The following DIXDC1 variants were observed in gnomAD, a reference collection of about 807,000 sequenced individuals.
DIXDC1 encodes dixin.
Under a neutral mutation model 103.1 loss-of-function variants are expected in DIXDC1, and 64 were observed. The ratio of observed to expected loss-of-function variants is 0.62; its 90% CI spans 0.51 to 0.76. The LOEUF (loss-of-function observed/expected upper bound fraction) is 0.76. Among genes scored for constraint, DIXDC1 ranks in the 30% least tolerant of loss-of-function variants. DIXDC1 has a pLI of 0.00. For synonymous variants in DIXDC1, 266 were observed against 298.5 expected, an observed-to-expected ratio of 0.89 and a Z score of 1.12; for missense variants, 759 against 834.2, an observed-to-expected ratio of 0.91 and a Z score of 1.11.
chr11:112,006,120 A>T (rs905323989), intron 17 of DIXDC1, among the ~76,000 whole-genome samples: 2 of 151,982 alleles, frequency 1.3e-5, no homozygotes, highest in African/African-American at 2.4e-5. Flanking sequence ...GCAAATGCAG[A>T]CCAGGAGCTA....
At chr11:111,968,772 T>TTTTTTAA in intron 3 of DIXDC1, 134 bp downstream of exon 3, 2 of 1,137,672 alleles carry the variant, frequency 1.8e-6, no homozygotes, top group Non-Finnish European at 2.3e-6. Context: ...TTATTTTTTA[T>TTTTTTAA]TTCATGATTA....
intron 19 of DIXDC1, among the ~76,000 whole-genome samples, chr11:112,018,329 A>G (rs1216474780): frequency 1.3e-5 from 2 of 152,186 alleles, no homozygotes; most frequent in African/African-American, 4.8e-5. Context: ...TTGAGTAAGT[A>G]TTTTCTTAGC....
intron 18 of DIXDC1, 79 bp downstream of exon 18, chr11:112,016,875 C>A: frequency 8.1e-7 from 1 of 1,237,770 alleles, no homozygotes; most frequent in Non-Finnish European, 1.1e-6. Context: ...CCCACATGAG[C>A]AGCTGAAAGG....
At chr11:111,938,562 A>G (rs1480068289) in intron 1 of DIXDC1, among the ~76,000 whole-genome samples, 3 of 152,212 alleles carry the variant, frequency 2.0e-5, no homozygotes, top group Non-Finnish European at 2.9e-5. Flanking sequence ...TTGATAGGCA[A>G]GACTGAAGTG....
chr11:112,003,709 A>G (rs1201947118), intron 17 of DIXDC1, among the ~76,000 whole-genome samples: 1 of 151,786 alleles, frequency 6.6e-6, no homozygotes, highest in Non-Finnish European at 1.5e-5. Context: ...GAGGCAGGAG[A>G]ATCGCTTGAA....
chr11:111,964,675 G>A lies in DIXDC1; in HGVS notation c.187G>A (p.Val63Ile). 6.2e-7 allele frequency: 1 copy of A among 1,602,622 alleles called. No individual in the cohort carries two copies. The highest frequency in any genetic ancestry group is 1.7e-4 in the Middle Eastern group (1 of 5,976). ...GVILAYLIEIVAGEKLSGVQL... is the reference protein window; with the variant it reads ...GVILAYLIEIIAGEKLSGVQL... ...GATCCTGGCATATCTCATCGAGATT[G>A]TTGGTCAGTTGGCCCTGGACTCTGA... Residue 63 changes from valine (V) to isoleucine (I), a missense_variant, in exon 2 of 20, where the codon GTT becomes ATT. Val to Ile is a conservative substitution (Grantham distance 29, BLOSUM62 3). Around this residue, in one of 3 missense-constraint regions of DIXDC1, gnomAD observed 97 missense variants for 85.4 expected, o/e 1.14. Transcript: ENST00000440460.
chr11:111,948,183 T>C (rs1966660547), intron 1 of DIXDC1, among the ~76,000 whole-genome samples: 1 of 152,152 alleles, frequency 6.6e-6, no homozygotes, highest in South Asian at 2.1e-4. Context: ...CAAGGCCACA[T>C]ACCGAGGCCA....
chr11:111,950,140 C>T (rs1425428970), intron 1 of DIXDC1, among the ~76,000 whole-genome samples: 1 of 151,852 alleles, frequency 6.6e-6, no homozygotes, highest in Non-Finnish European at 1.5e-5. Context: ...ACCAATTTTA[C>T]AAGCTCAAAG....
upstream of DIXDC1, among the ~76,000 whole-genome samples, chr11:111,936,186 CCTT>C (rs1966180859): frequency 6.6e-6 from 1 of 152,254 alleles, no homozygotes; most frequent in Non-Finnish European, 1.5e-5. Flanking sequence ...AAGGCCCTGA[CCTT>C]CTCTGAGCCC....
At chr11:111,951,015 C>T (rs1467067910) in intron 1 of DIXDC1, among the ~76,000 whole-genome samples, 1 of 151,698 alleles carries the variant, frequency 6.6e-6, no homozygotes, top group Non-Finnish European at 1.5e-5. Context: ...CCAAAATAGA[C>T]AAACTACTAG....
At chr11:112,016,227 GCCCCT>G (rs1861585744) in intron 17 of DIXDC1, 1 of 153,096 alleles carries the variant, frequency 6.5e-6, no homozygotes, top group Non-Finnish European at 1.5e-5. Context: ...GGGAGCATAA[GCCCCT>G]TGGGATCTGA....
intron 17 of DIXDC1, among the ~76,000 whole-genome samples, chr11:112,013,545 T>C (rs1555177421): frequency 6.6e-6 from 1 of 152,172 alleles, no homozygotes; most frequent in African/African-American, 2.4e-5. Flanking sequence ...ATTCATCTTG[T>C]GTTCCCCTGT....
chr11:111,955,568 C>A (rs1275786628), intron 1 of DIXDC1, among the ~76,000 whole-genome samples: 2 of 151,772 alleles, frequency 1.3e-5, no homozygotes, highest in African/African-American at 4.8e-5. Context: ...GGTGCGGTGG[C>A]TCATGCCTGT....
rs1860746653 is a variant in DIXDC1, at chr11:111,992,601, A to G, written c.1218+82A>G. On this transcript the variant is annotated intron_variant, in intron 11 of 19. Coordinates refer to ENST00000440460, the MANE Select transcript of DIXDC1 (RefSeq NM_001037954.4). ...TGCACGAAGAACTATTAGACTGGCC[A>G]TCCTAATCTCTTATCTTGCTTCTGG... is the stretch of plus-strand genomic sequence containing the variant. 2.4e-6 allele frequency: 3 copies of G among 1,224,632 alleles called. No homozygotes were observed. The South Asian group carries it at 4.1e-5, about 17-fold the overall frequency. The allele number at this position is 1,224,632 out of a possible 1,614,324, so 75.9% of individuals were successfully genotyped here.
intron 6 of DIXDC1, 30 bp from the exon 7 acceptor site, chr11:111,982,309 T>C: frequency 6.2e-7 from 1 of 1,600,556 alleles, no homozygotes; most frequent in South Asian, 1.1e-5. Context: ...TTCTTCAACA[T>C]GAACTGTACT....
In DIXDC1 at chr11:111,995,516, C is replaced by T. The variant is rs781967058; in HGVS notation, c.1641C>T (p.Leu547=). Residue 547 remains leucine, a synonymous_variant, in exon 16 of 20, where the codon CTC becomes CTT. Transcript: ENST00000440460. The part of the protein sequence containing the change: ...IDSLEQGISS[L]MERLHVMETQ... ...GCTTGGAGCAGGGCATTTCTAGCCT[C>T]ATGGAGCGCCTGCATGTTATGGAGA... The T allele has an allele frequency of 6.2e-7, 1 of 1,614,028 alleles. No individual in the cohort carries two copies. The highest frequency in any genetic ancestry group is 1.1e-5 in the South Asian group (1 of 91,080).
chr11:111,948,762 A>G (rs1966680484), intron 1 of DIXDC1, among the ~76,000 whole-genome samples: 1 of 151,536 alleles, frequency 6.6e-6, no homozygotes, highest in Non-Finnish European at 1.5e-5. Flanking sequence ...ATAGGAAGGA[A>G]TGACTTGAGG....
chr11:111,945,849 A>G (rs1480245033), intron 1 of DIXDC1: 1 of 151,658 alleles, frequency 6.6e-6, no homozygotes, highest in Non-Finnish European at 1.5e-5. Flanking sequence ...GCTCCCTGCA[A>G]CCTCTGCATC....
At chr11:112,014,847 C>A (rs1861539146) in intron 17 of DIXDC1, among the ~76,000 whole-genome samples, 1 of 151,262 alleles carries the variant, frequency 6.6e-6, no homozygotes, top group Non-Finnish European at 1.5e-5. Flanking sequence ...GATGCTGGGG[C>A]AAAGGAGAAT....
Sources: allele counts gnomAD v4.1 joint callset (sites outside exome capture counted in the v4.1 genomes callset), GRCh38; gene constraint gnomAD v4.1.1; regional missense constraint gnomAD v4.1.1; transcripts MANE v1.5; gene names NCBI Gene and HGNC (gene_info 2026-07-23, HGNC 2026-07-21).